Variants in GRK3 observed in about 807,000 individuals in gnomAD.
The protein encoded by GRK3 is adrenergic, beta, receptor kinase 2.
Under a neutral mutation model 95.7 loss-of-function variants are expected in GRK3, and 54 were observed. That is an observed-to-expected ratio of 0.56 (90% CI 0.45 to 0.71). The LOEUF (loss-of-function observed/expected upper bound fraction) is 0.71, where lower values mean the gene tolerates loss of function less well. GRK3 is among the 30% of genes least tolerant of loss of function. GRK3 has a pLI of 0.00. For synonymous variants in GRK3, 281 were observed against 290.8 expected, an observed-to-expected ratio of 0.97 and a Z score of 0.34; for missense variants, 649 against 851.2, an observed-to-expected ratio of 0.76 and a Z score of 2.96.
Position 25,725,503 on chromosome 22 carries a change from G to T in GRK3, c.*3053G>T. ...TTCATTCATCCCCTCATGTCATGGG[G>T]GCTCATTGGTTTTCCTTCTTTGTCA... On this transcript the variant is annotated 3_prime_UTR_variant, in exon 21 of 21. Transcript: ENST00000324198. 1 of 398,336 alleles carries T rather than the reference G, an allele frequency of 2.5e-6. No individual in the cohort carries two copies. Among genetic ancestry groups the T allele is most frequent in the Non-Finnish European group, 4.4e-6 (1 of 226,006 alleles). The allele number at this position is 398,336 out of a possible 1,614,324, so 24.7% of individuals were successfully genotyped here.
Position 25,672,287 on chromosome 22 carries a change from C to A in GRK3, c.504-9C>A, listed in dbSNP as rs202119424. The A allele has an allele frequency of 1.7e-4, 221 of 1,333,660 alleles. No homozygotes were observed. The highest frequency in any genetic ancestry group is 4.1e-4 in the Middle Eastern group (2 of 4,872). 82.6% of individuals were successfully genotyped at this position (1,333,660 alleles called of 1,614,324 possible). On this transcript the variant is annotated splice_polypyrimidine_tract_variant and intron_variant, in intron 6 of 20. Coordinates refer to ENST00000324198, the MANE Select transcript of GRK3 (RefSeq NM_005160.4). ...TTAACTTTTTAGTAATTATTTTATT[C>A]TCTTTTAGTGACAAGTTCACTAGAT...
At chr22:25,593,887 C>T (rs2146330155) in intron 1 of GRK3, among the ~76,000 whole-genome samples, 1 of 152,196 alleles carries the variant, frequency 6.6e-6, no homozygotes, top group Non-Finnish European at 1.5e-5. Flanking sequence ...TTTTTGTTGA[C>T]TTTGTCAAAG....
At position 25,604,425 on chromosome 22, in the gene GRK3, C is replaced by T. The variant is rs771793209; in HGVS notation, c.162C>T (p.Thr54=). The T allele has an allele frequency of 9.9e-5, 159 of 1,611,362 alleles. No individual in the cohort carries two copies. The highest frequency in any genetic ancestry group is 1.2e-4 in the Non-Finnish European group (138 of 1,179,032). ...ACCTTGCAGAGAGAAATGAAATAAC[C>T]TTTGACAAGATTTTCAATCAGAAAA... ...QKYLAERNEI[T]FDKIFNQKIG... Residue 54 remains threonine, a synonymous_variant, in exon 2 of 21, where the codon ACC becomes ACT. Coordinates refer to ENST00000324198, the MANE Select transcript of GRK3 (RefSeq NM_005160.4).
intron 9 of GRK3, among the ~76,000 whole-genome samples, chr22:25,679,762 AG>A (rs2085061006): frequency 6.6e-6 from 1 of 152,154 alleles, no homozygotes; most frequent in Non-Finnish European, 1.5e-5. Flanking sequence ...GTGAGCGTGG[AG>A]GGGCCAGACA....
chr22:25,648,874 A>G (rs1186314296), intron 3 of GRK3: 3 of 917,754 alleles, frequency 3.3e-6, no homozygotes, highest in Admixed American at 1.7e-5. Context: ...ATTGAAGACA[A>G]TGAATACACA....
In GRK3 at chr22:25,571,000, G is replaced by A. The variant is rs12106615; in HGVS notation, c.113+5847G>A. 7.0e-3 allele frequency among the ~76,000 whole-genome samples: 1,070 copies of A among 152,260 alleles called. 14 individuals are homozygous for A. Among genetic ancestry groups the A allele is most frequent in the African/African-American group, 0.024 (1,011 of 41,530 alleles). On this transcript the variant is annotated intron_variant, in intron 1 of 20. Transcript: ENST00000324198. ...GCGAATGCAGTGAAAATATTTTTGC[G>A]ACATATTTTGTAAAATATTTTGTGA...
chr22:25,632,232 T>C (rs2084669124), intron 2 of GRK3, among the ~76,000 whole-genome samples: 1 of 152,242 alleles, frequency 6.6e-6, no homozygotes. Context: ...TTTGCTTTTG[T>C]TATTCTAGTA....
At chr22:25,719,254 T>C (rs1462099894) in intron 19 of GRK3, among the ~76,000 whole-genome samples, 1 of 150,898 alleles carries the variant, frequency 6.6e-6, no homozygotes, top group African/African-American at 2.4e-5. Context: ...TCTCATTTTA[T>C]AAAGAGGAAA....
At chr22:25,649,155 A>G in intron 3 of GRK3, 8 of 1,407,306 alleles carry the variant, frequency 5.7e-6, no homozygotes, top group South Asian at 3.5e-5. Flanking sequence ...TGAAAGACCA[A>G]CATTTGAATA....
chr22:25,610,728 T>C (rs1025924987), intron 2 of GRK3, among the ~76,000 whole-genome samples: 7 of 152,236 alleles, frequency 4.6e-5, no homozygotes, highest in Non-Finnish European at 8.8e-5. Flanking sequence ...CGGTATAAAG[T>C]CTGTAGTCTC....
chr22:25,635,519 T>G (rs949502780), intron 2 of GRK3, among the ~76,000 whole-genome samples: 1 of 152,216 alleles, frequency 6.6e-6, no homozygotes, highest in African/African-American at 2.4e-5. Context: ...GAGTGTGGGA[T>G]CATGCCTGCA....
At chr22:25,596,836 A>G (rs567480336) in intron 1 of GRK3, among the ~76,000 whole-genome samples, 1 of 152,350 alleles carries the variant, frequency 6.6e-6, no homozygotes, top group South Asian at 2.1e-4. Flanking sequence ...TTATTAATTT[A>G]TGCATGGCCT....
intron 1 of GRK3, among the ~76,000 whole-genome samples, chr22:25,571,981 A>G (rs144011853): frequency 6.6e-6 from 1 of 151,998 alleles, no homozygotes; most frequent in East Asian, 1.9e-4. Flanking sequence ...TACATTAGAT[A>G]TTTCTCCCAA....
intron 3 of GRK3, among the ~76,000 whole-genome samples, chr22:25,653,878 G>A (rs1161339536): frequency 1.3e-5 from 2 of 152,022 alleles, no homozygotes; most frequent in Non-Finnish European, 2.9e-5. Flanking sequence ...TAGTAGAGAC[G>A]GGGTTTCACC....
chr22:25,648,860 G>A, intron 3 of GRK3: 5 of 997,114 alleles, frequency 5.0e-6, no homozygotes, highest in Admixed American at 1.7e-5. Context: ...GTTTAGCAAG[G>A]TTAATTGAAG....
chr22:25,636,013 A>C (rs563555434), intron 2 of GRK3, among the ~76,000 whole-genome samples: 2 of 152,226 alleles, frequency 1.3e-5, no homozygotes, highest in East Asian at 1.9e-4. Flanking sequence ...CTTCTTATTT[A>C]TTTTGATGTT....
At chr22:25,693,906 C>T (rs2085185754) in intron 12 of GRK3, among the ~76,000 whole-genome samples, 1 of 151,860 alleles carries the variant, frequency 6.6e-6, no homozygotes, top group Non-Finnish European at 1.5e-5. Flanking sequence ...ATTCTCCTGC[C>T]TCAGCCTCCC....
intron 15 of GRK3, among the ~76,000 whole-genome samples, chr22:25,705,753 C>T (rs1601540560): frequency 6.6e-6 from 1 of 152,202 alleles, no homozygotes; most frequent in East Asian, 1.9e-4. Flanking sequence ...TCACCCAACA[C>T]TTCCCTTTCC....
At position 25,618,299 on chromosome 22, in the gene GRK3, G is replaced by C. The variant is rs531399263; in HGVS notation, c.190+13846G>C. Among the ~76,000 whole-genome samples, 13 of 152,304 alleles carry C rather than the reference G, an allele frequency of 8.5e-5. No individual in the cohort carries two copies. The South Asian group carries it at 2.7e-3, about 32-fold the overall frequency. The stretch of plus-strand genomic sequence containing the variant: ...ATAGGTGCACACACATTACGTTTGC[G>C]ATGTCTTTTTGAGGAGTTGACTTAT... On this transcript the variant is annotated intron_variant, in intron 2 of 20. Coordinates refer to ENST00000324198, the MANE Select transcript of GRK3 (RefSeq NM_005160.4).
Sources: gnomAD v4.1 joint callset for allele counts (sites outside exome capture counted in the v4.1 genomes callset) on GRCh38, gnomAD v4.1.1 for gene constraint, MANE v1.5 for transcripts, NCBI Gene and HGNC (gene_info 2026-07-23, HGNC 2026-07-21) for gene names.